Variants in R3HDM1 observed in about 807,000 individuals in gnomAD.
R3HDM1 encodes the protein R3H domain-containing protein 1.
R3HDM1 carries 46 observed loss-of-function variants against 141.1 expected under a neutral mutation model. The ratio of observed to expected loss-of-function variants is 0.33; its 90% CI spans 0.26 to 0.42. R3HDM1 has a LOEUF of 0.42. Among genes scored for constraint, R3HDM1 ranks in the 10% least tolerant of loss-of-function variants. The pLI, the probability that R3HDM1 is intolerant of heterozygous loss-of-function variation, is 1.00. For missense variants in R3HDM1, 1,184 were observed against 1,368.3 expected (o/e 0.87, Z 2.12); for synonymous variants, 435 against 472.9 (o/e 0.92, Z 1.04).
intron 21 of R3HDM1, among the ~76,000 whole-genome samples, chr2:135,705,508 G>A (rs2074783595): frequency 2.0e-5 from 3 of 152,018 alleles, no homozygotes; most frequent in Admixed American, 1.3e-4. Flanking sequence ...AGCAGTGGTG[G>A]GCGCTTGTAG....
At chr2:135,645,237 G>A in intron 15 of R3HDM1, 142 bp from the exon 16 acceptor site, 2 of 695,468 alleles carry the variant, frequency 2.9e-6, no homozygotes, top group South Asian at 4.4e-5. Flanking sequence ...CCCAACCTAA[G>A]GAAATCTTTG....
chr2:135,636,790 TAAA>T (rs150234601), intron 11 of R3HDM1, among the ~76,000 whole-genome samples: 22 of 134,292 alleles, frequency 1.6e-4, no homozygotes, highest in Admixed American at 3.8e-4. Flanking sequence ...TCCTCTGTGT[TAAA>T]AAAAAAAAAA....
chr2:135,669,102 G>T, intron 19 of R3HDM1: 1 of 974,392 alleles, frequency 1.0e-6, no homozygotes, highest in South Asian at 4.8e-5. Flanking sequence ...GAGTGCAGTG[G>T]CCCTTCCTAA....
At chr2:135,597,312 C>T in intron 1 of R3HDM1, 2 of 952,692 alleles carry the variant, frequency 2.1e-6, no homozygotes, top group South Asian at 4.9e-5. Flanking sequence ...TTCATTAAAG[C>T]TATAGTGCCT....
intron 1 of R3HDM1, among the ~76,000 whole-genome samples, chr2:135,549,561 CAAAAAAAAAA>C (rs1236257586): frequency 1.5e-5 from 1 of 67,480 alleles, no homozygotes; most frequent in African/African-American, 5.0e-5. Flanking sequence ...AACTCTGCCT[CAAAAAAAAAA>C]AAAAAAAAAA....
rs1357359506 is a variant in R3HDM1 at position 135,657,412 on chromosome 2, A to G, written c.2029-3858A>G. On this transcript the variant is annotated intron_variant, in intron 18 of 26. Coordinates refer to ENST00000683871, the MANE Select transcript of R3HDM1 (RefSeq NM_001378107.1). ...GGAGACAGAGCAATACTCTGTCTCA[A>G]AAAAAAAAAAAAAAGATACGTTTTT... Among the ~76,000 whole-genome samples the G allele has an allele frequency of 3.8e-5, 5 of 132,346 alleles. No individual in the cohort carries two copies. The East Asian group carries it at 1.1e-3, about 29-fold the overall frequency. The allele number at this position is 132,346 out of a possible 152,430, so 86.8% of individuals were successfully genotyped here.
Position 135,723,995 on chromosome 2 carries a change from T to C in R3HDM1, c.3108T>C (p.Ala1036=), listed in dbSNP as rs746999117. The C allele has an allele frequency of 4.8e-5, 78 of 1,613,948 alleles. 1 individual carries two copies. Among genetic ancestry groups the C allele is most frequent in the Non-Finnish European group, 6.1e-5 (72 of 1,180,024 alleles). Residue 1036 remains alanine, a synonymous_variant, in exon 27 of 27, where the codon GCT becomes GCC. Coordinates refer to ENST00000683871, the MANE Select transcript of R3HDM1 (RefSeq NM_001378107.1). ...CAGATGGAATAACTCGCATGGAAGCTGAAAAGCTTTTTGGGGAACTCTTTA... is the reference window on the plus strand; with the variant it reads ...CAGATGGAATAACTCGCATGGAAGCCGAAAAGCTTTTTGGGGAACTCTTTA... ...ELPDGITRME[A]EKLFGELFKI... is the part of the protein sequence containing the mutation.
chr2:135,564,512 G>T (rs1486030495), intron 1 of R3HDM1, among the ~76,000 whole-genome samples: 1 of 152,088 alleles, frequency 6.6e-6, no homozygotes. Context: ...TAGAGATGGG[G>T]TTTCAGCATT....
intron 21 of R3HDM1, among the ~76,000 whole-genome samples, chr2:135,690,834 G>A (rs898919092): frequency 3.3e-5 from 5 of 151,900 alleles, no homozygotes; most frequent in Non-Finnish European, 5.9e-5. Context: ...AAGGGAAGAG[G>A]GTGCTTTAGC....
At chr2:135,609,902 G>C (rs1307609766) in intron 3 of R3HDM1, among the ~76,000 whole-genome samples, 1 of 152,066 alleles carries the variant, frequency 6.6e-6, no homozygotes, top group Non-Finnish European at 1.5e-5. Context: ...AAATTAGCTG[G>C]ATGTGGTGGC....
chr2:135,562,258 A>G (rs2104963305), intron 1 of R3HDM1, among the ~76,000 whole-genome samples: 1 of 152,360 alleles, frequency 6.6e-6, no homozygotes, highest in South Asian at 2.1e-4. Flanking sequence ...TTTCTAGCCA[A>G]CATCTTTCAG....
rs190940988 is a variant in R3HDM1 at position 135,585,779 on chromosome 2, A to G, written c.-249-16721A>G. Among the ~76,000 whole-genome samples, 870 of 152,324 alleles carry G rather than the reference A, an allele frequency of 5.7e-3. 6 individuals carry two copies. Among genetic ancestry groups the G allele is most frequent in the Middle Eastern group, 0.01 (3 of 294 alleles). On this transcript the variant is annotated intron_variant, in intron 1 of 26. Coordinates refer to ENST00000683871, the MANE Select transcript of R3HDM1 (RefSeq NM_001378107.1). ...GTCCTCGGATCACAGTTCTATTGCT[A>G]TCTCCATCTGTTGGTATGAAGAAGT...
At chr2:135,709,688 A>G in intron 22 of R3HDM1, 152 bp downstream of exon 22, 3 of 916,602 alleles carry the variant, frequency 3.3e-6, no homozygotes, top group Middle Eastern at 2.5e-4. Flanking sequence ...CATAGTTAAC[A>G]TGTGCAGTCC....
At chr2:135,710,418 G>T (rs1225226957) in intron 23 of R3HDM1, among the ~76,000 whole-genome samples, 187 bp downstream of exon 23, 1 of 152,174 alleles carries the variant, frequency 6.6e-6, no homozygotes, top group Non-Finnish European at 1.5e-5. Context: ...CCCAGTTTCA[G>T]ACCAGCCTGA....
chr2:135,657,280 G>A (rs566352235), intron 18 of R3HDM1, among the ~76,000 whole-genome samples: 29 of 151,646 alleles, frequency 1.9e-4, no homozygotes, highest in Admixed American at 1.8e-3. Context: ...GTGTGGTGGC[G>A]GGCACCTGTA....
chr2:135,719,688 T>C (rs2076521353), intron 24 of R3HDM1, among the ~76,000 whole-genome samples: 1 of 152,178 alleles, frequency 6.6e-6, no homozygotes, highest in Non-Finnish European at 1.5e-5. Context: ...GTTTTATCTT[T>C]TGTTGAAAAA....
At chr2:135,563,766 A>G (rs1486709483) in intron 1 of R3HDM1, among the ~76,000 whole-genome samples, 3 of 152,156 alleles carry the variant, frequency 2.0e-5, no homozygotes. Flanking sequence ...GTATTATTCT[A>G]TATGTGTTAG....
At chr2:135,578,616 A>G (rs1706057410) in intron 1 of R3HDM1, among the ~76,000 whole-genome samples, 1 of 152,358 alleles carries the variant, frequency 6.6e-6, no homozygotes, top group African/African-American at 2.4e-5. Flanking sequence ...TATGAAGTCA[A>G]TGAATAACAC....
intron 1 of R3HDM1, chr2:135,576,996 A>G (rs1049129558): frequency 1.3e-5 from 8 of 619,680 alleles, no homozygotes; most frequent in Non-Finnish European, 1.4e-5. Flanking sequence ...ATTTAAATGG[A>G]TGAATGTATG....
Sources: allele counts gnomAD v4.1 joint callset (sites outside exome capture counted in the v4.1 genomes callset), GRCh38; gene constraint gnomAD v4.1.1; transcripts MANE v1.5; gene names NCBI Gene and HGNC (gene_info 2026-07-23, HGNC 2026-07-21).